Variants in NRG1 observed in about 807,000 individuals in gnomAD.
NRG1 encodes the protein pro-neuregulin-1, membrane-bound isoform.
A neutral mutation model predicts 63.8 loss-of-function variants in NRG1; 18 were observed. That is an observed-to-expected ratio of 0.28 (90% CI 0.19 to 0.42). The LOEUF (loss-of-function observed/expected upper bound fraction) is 0.42. Ranked by LOEUF, NRG1 falls within the 10% of genes least tolerant of loss-of-function variation. NRG1 has a pLI of 1.00. For missense variants in NRG1, 762 were observed against 814.7 expected (o/e 0.94, Z 0.79); for synonymous variants, 302 against 301.3 (o/e 1.00, Z -0.02).
At chr8:31,907,996 G>A (rs1832664565) in intron 1 of NRG1, among the ~76,000 whole-genome samples, 1 of 152,046 alleles carries the variant, frequency 6.6e-6, no homozygotes, top group Admixed American at 6.6e-5. Flanking sequence ...CTACAATTTA[G>A]GTCTGGAACT....
At position 32,635,685 on chromosome 8, in the gene NRG1, G is replaced by A. The variant is rs1851212231; in HGVS notation, c.502+18800G>A. 2.0e-5 allele frequency among the ~76,000 whole-genome samples: 3 copies of A among 152,100 alleles called. No homozygotes were observed. In the South Asian group the frequency reaches 6.2e-4, roughly 32 times the overall value. On this transcript the variant is annotated intron_variant, in intron 5 of 11. Coordinates refer to ENST00000356819, the Ensembl canonical transcript of NRG1. ...TCTAAAAATGTTTTACATTGTCATTGCAGTTTTTTAAAAATGTAGAGATCC... is the reference window on the plus strand; with the variant it reads ...TCTAAAAATGTTTTACATTGTCATTACAGTTTTTTAAAAATGTAGAGATCC...
intron 1 of NRG1, among the ~76,000 whole-genome samples, chr8:32,378,609 T>C (rs1809928273): frequency 6.6e-6 from 1 of 152,224 alleles, no homozygotes; most frequent in East Asian, 1.9e-4. Context: ...AGCATTTCAA[T>C]TGTTGAAAAC....
chr8:31,940,566 A>G (rs1431063363), intron 1 of NRG1, among the ~76,000 whole-genome samples: 1 of 152,172 alleles, frequency 6.6e-6, no homozygotes, highest in African/African-American at 2.4e-5. Context: ...GCAGAACTAA[A>G]TGAAATTGAA....
At chr8:32,159,586 A>T (rs1033524799) in intron 1 of NRG1, among the ~76,000 whole-genome samples, 5 of 151,940 alleles carry the variant, frequency 3.3e-5, no homozygotes, top group African/African-American at 1.2e-4. Context: ...GCTGTTGGGA[A>T]TAGGATTATT....
At chr8:31,939,482 C>T (rs181957301) in intron 1 of NRG1, among the ~76,000 whole-genome samples, 6 of 151,762 alleles carry the variant, frequency 4.0e-5, no homozygotes, top group African/African-American at 1.5e-4. Flanking sequence ...TCTCACAGTA[C>T]CTATATAATA....
At chr8:32,156,622 T>C (rs1487734737) in intron 1 of NRG1, among the ~76,000 whole-genome samples, 1 of 152,210 alleles carries the variant, frequency 6.6e-6, no homozygotes, top group Non-Finnish European at 1.5e-5. Context: ...CTCATATATG[T>C]GGTTGGAACC....
At chr8:31,942,151 A>G (rs1801844871) in intron 1 of NRG1, among the ~76,000 whole-genome samples, 1 of 152,202 alleles carries the variant, frequency 6.6e-6, no homozygotes, top group Non-Finnish European at 1.5e-5. Flanking sequence ...TTATAAGGCA[A>G]TAGTCACCAA....
chr8:31,782,274 G>A (rs371017542), intron 1 of NRG1, among the ~76,000 whole-genome samples: 46 of 152,062 alleles, frequency 3.0e-4, no homozygotes, highest in African/African-American at 9.6e-4. Flanking sequence ...CCTTCCAATG[G>A]TGCAGGTCTC....
chr8:31,886,395 A>G (rs1313050653), intron 1 of NRG1, among the ~76,000 whole-genome samples: 2 of 152,158 alleles, frequency 1.3e-5, no homozygotes, highest in Non-Finnish European at 1.5e-5. Context: ...ACTTTTTAAT[A>G]TATACACCGG....
intron 5 of NRG1, among the ~76,000 whole-genome samples, chr8:32,678,598 C>T (rs1417238702): frequency 1.3e-5 from 2 of 152,104 alleles, no homozygotes; most frequent in African/African-American, 4.8e-5. Flanking sequence ...TCATTATATA[C>T]AAGGCTTTTG....
intron 1 of NRG1, among the ~76,000 whole-genome samples, chr8:32,109,011 G>A (rs372045582): frequency 4.6e-5 from 7 of 152,254 alleles, no homozygotes; most frequent in East Asian, 3.9e-4. Context: ...ACACAGTCAC[G>A]GAACATCTAT....
intron 1 of NRG1, among the ~76,000 whole-genome samples, chr8:31,691,241 G>A (rs1318801681): frequency 6.6e-6 from 1 of 152,102 alleles, no homozygotes; most frequent in Non-Finnish European, 1.5e-5. Context: ...TAAATTAAAA[G>A]GTGAAAAACA....
chr8:32,628,980 C>T (rs1020887974), intron 5 of NRG1, among the ~76,000 whole-genome samples: 3 of 152,054 alleles, frequency 2.0e-5, no homozygotes, highest in African/African-American at 4.8e-5. Context: ...GTGATCCACC[C>T]GCCTTGGCCT....
intron 7 of NRG1, chr8:32,749,791 T>G: frequency 1.7e-6 from 1 of 599,140 alleles, no homozygotes; most frequent in African/African-American, 1.9e-5. Flanking sequence ...TTTAGATTCC[T>G]AAGCATCCTT....
intron 5 of NRG1, among the ~76,000 whole-genome samples, chr8:32,619,771 T>G (rs1848009528): frequency 6.6e-6 from 1 of 152,264 alleles, no homozygotes; most frequent in Admixed American, 6.5e-5. Flanking sequence ...TCATATTAAC[T>G]ATTGTTTTAC....
At chr8:32,001,874 T>C (rs1812987806) in intron 1 of NRG1, among the ~76,000 whole-genome samples, 1 of 152,042 alleles carries the variant, frequency 6.6e-6, no homozygotes, top group Non-Finnish European at 1.5e-5. Context: ...TGGGCTGAGG[T>C]AGTGTTGTCA....
chr8:31,664,210 C>A (rs950702816), intron 1 of NRG1, among the ~76,000 whole-genome samples: 27 of 152,118 alleles, frequency 1.8e-4, no homozygotes, highest in African/African-American at 6.0e-4. Context: ...CCTCTGTAGT[C>A]AAGACTTAAC....
intron 1 of NRG1, among the ~76,000 whole-genome samples, chr8:32,339,673 G>A (rs1803802564): frequency 1.3e-5 from 2 of 152,226 alleles, no homozygotes; most frequent in African/African-American, 4.8e-5. Flanking sequence ...TATGAAATGG[G>A]CATTTTCCAG....
intron 1 of NRG1, among the ~76,000 whole-genome samples, chr8:32,144,599 A>T (rs969692667): frequency 1.3e-5 from 2 of 152,320 alleles, no homozygotes; most frequent in East Asian, 3.9e-4. Flanking sequence ...CATGGAGTGC[A>T]TGCAGGAATT....
Sources: allele counts gnomAD v4.1 joint callset (sites outside exome capture counted in the v4.1 genomes callset), GRCh38; gene constraint gnomAD v4.1.1; transcripts MANE v1.5; gene names NCBI Gene and HGNC (gene_info 2026-07-23, HGNC 2026-07-21).